The following SYTL2 variants were observed in gnomAD, a reference collection of about 807,000 sequenced individuals.
SYTL2 encodes the protein synaptotagmin like 2.
Under a neutral mutation model 198.7 loss-of-function variants are expected in SYTL2, and 165 were observed. The observed-to-expected ratio is 0.83, with a 90% CI of 0.73 to 0.94. The LOEUF is 0.94. Among genes scored for constraint, SYTL2 ranks in the 40% least tolerant of loss-of-function variants. The pLI is 0.00. For synonymous variants in SYTL2, 966 were observed against 917.7 expected (o/e 1.05, Z -0.95); for missense variants, 2,835 against 2,582.8 (o/e 1.10, Z -2.12).
chr11:85,744,018 A>C (rs2090981291), intron 4 of SYTL2, among the ~76,000 whole-genome samples: 1 of 152,046 alleles, frequency 6.6e-6, no homozygotes, highest in African/African-American at 2.4e-5. Flanking sequence ...TGTTTCTTTA[A>C]CATGACAATA....
At chr11:85,761,263 A>G (rs1054123411) in intron 1 of SYTL2, among the ~76,000 whole-genome samples, 1 of 152,260 alleles carries the variant, frequency 6.6e-6, no homozygotes, top group Non-Finnish European at 1.5e-5. Flanking sequence ...GAGGAGAATA[A>G]TAACTCAGGG....
intron 11 of SYTL2, chr11:85,714,981 A>G (rs2086924203): frequency 6.5e-6 from 1 of 153,120 alleles, no homozygotes; most frequent in Non-Finnish European, 1.5e-5. Context: ...TGAGTGTCTT[A>G]GAGTAGGTTT....
chr11:85,707,437 T>C lies in SYTL2; in HGVS notation c.6010A>G (p.Ile2004Val), dbSNP rs1475195585. Residue 2004 changes from isoleucine to valine, a missense_variant, in exon 15 of 20, where the codon ATA becomes GTA. Physicochemically the swap from Ile to Val is conservative, Grantham distance 29. Coordinates refer to ENST00000359152, the MANE Select transcript of SYTL2 (RefSeq NM_206927.4). ...KKTLNPVYNE[I>V]LRYKIEKQIL... is the part of the protein sequence containing the mutation. ...AGAGAGTTCATAGATACCCGCAGTA[T>C]TTCGTTATACACAGGATTCAAGGTT... The C allele has an allele frequency of 6.2e-7, 1 of 1,612,870 alleles. No homozygotes were observed. The highest frequency in any genetic ancestry group is 1.7e-5 in the Admixed American group (1 of 59,976).
intron 1 of SYTL2, among the ~76,000 whole-genome samples, chr11:85,759,195 G>A (rs1236252576): frequency 1.3e-5 from 2 of 150,432 alleles, no homozygotes; most frequent in Non-Finnish European, 1.5e-5. Flanking sequence ...GCAGTGAGCC[G>A]GGATCACACC....
chr11:85,778,666 C>T (rs2092502037), intron 1 of SYTL2, among the ~76,000 whole-genome samples: 1 of 152,336 alleles, frequency 6.6e-6, no homozygotes, highest in Non-Finnish European at 1.5e-5. Flanking sequence ...AGCATAGACA[C>T]ATGCATGCAC....
chr11:85,786,486 C>G (rs1162172910), intron 1 of SYTL2, among the ~76,000 whole-genome samples: 1 of 152,136 alleles, frequency 6.6e-6, no homozygotes, highest in African/African-American at 2.4e-5. Flanking sequence ...ATAGGGGAAA[C>G]TGGGTAAAGG....
At position 85,717,493 on chromosome 11, in the gene SYTL2, G is replaced by A. The variant is rs371312801; in HGVS notation, c.5520C>T (p.Cys1840=). Residue 1840 remains cysteine (C), a synonymous_variant, in exon 11 of 20, where the codon TGC becomes TGT. Coordinates refer to ENST00000359152, the MANE Select transcript of SYTL2 (RefSeq NM_206927.4). ...KPDQKPVTNE[C]VPRISTVPTQ... The stretch of plus-strand genomic sequence containing the variant: ...GATCCTGCTACTCACTTCTTGGTAC[G>A]CATTCATTTGTAACTGGCTTCTGAT... 4.7e-5 allele frequency: 75 copies of A among 1,612,226 alleles called. No homozygotes were observed. Among genetic ancestry groups the A allele is most frequent in the African/African-American group, 2.0e-4 (15 of 74,848 alleles).
the SYTL2 span, chr11:85,854,478 AAAT>A: frequency 6.6e-6 from 1 of 152,212 alleles, no homozygotes; most frequent in East Asian, 1.9e-4. Context: ...TGCTGGACTT[AAAT>A]TCCTTTCTTT....
intron 10 of SYTL2, 98 bp downstream of exon 10, chr11:85,718,692 C>T (rs1318090953): frequency 2.7e-5 from 28 of 1,035,394 alleles, no homozygotes; most frequent in Non-Finnish European, 3.9e-5. Flanking sequence ...TGGCAAATGA[C>T]GTTCTTCTGT....
intron 2 of SYTL2, 43 bp from the exon 3 acceptor site, chr11:85,748,466 A>G (rs1444028885): frequency 6.2e-7 from 1 of 1,603,518 alleles, no homozygotes; most frequent in African/African-American, 1.3e-5. Context: ...AACCCACAGT[A>G]AATAAATGAG....
Position 85,726,843 on chromosome 11 carries a change from T to G in SYTL2, c.2515A>C (p.Met839Leu). 6.5e-7 allele frequency: 1 copy of G among 1,536,552 alleles called. No homozygotes were observed. Among genetic ancestry groups the G allele is most frequent in the East Asian group, 2.4e-5 (1 of 40,922 alleles). The change falls in exon 8 of 20, where the codon ATG becomes CTG. Residue 839 changes from methionine to leucine, a missense_variant. Physicochemically the swap from Met to Leu is conservative, Grantham distance 15 (BLOSUM62 2). Around this residue, in one of 3 missense-constraint regions of SYTL2, gnomAD observed 2,645 missense variants for 2,381.7 expected, o/e 1.11. Transcript: ENST00000359152. ...PVKKSQGVSS[M>L]DSLSTDQSEY... ...CTCTGGTCTGTAGATAAACTGTCCA[T>G]GGATGATACACCCTGTGACTTCTTC...
the SYTL2 span, among the ~76,000 whole-genome samples, chr11:85,836,261 A>T: frequency 6.6e-5 from 10 of 150,788 alleles, no homozygotes; most frequent in Admixed American, 2.0e-4. Flanking sequence ...TACCTTCCAA[A>T]TTTTTTTTTC....
intron 1 of SYTL2, among the ~76,000 whole-genome samples, chr11:85,800,137 T>C (rs1481239104): frequency 1.3e-5 from 2 of 152,168 alleles, no homozygotes; most frequent in Non-Finnish European, 2.9e-5. Flanking sequence ...TCATCAGTTT[T>C]GGTGCTTTGG....
In SYTL2 at chr11:85,726,703, T is replaced by C. The variant is rs913681472; in HGVS notation, c.2655A>G (p.Ala885=). 7 of 1,536,216 alleles carry C rather than the reference T, an allele frequency of 4.6e-6. No homozygotes were observed. In the Admixed American group the frequency reaches 1.2e-4, roughly 26 times the overall value. Residue 885 remains alanine, a synonymous_variant, in exon 8 of 20, where the codon GCA becomes GCG. Transcript: ENST00000359152. ...CTGAAAGATAGTATCTGGATGGACC[T>C]GCTATTTGTGGCTTGGTCTCTTTAG... ...NKSKETKPQI[A]GPSRYYLSAE... is the part of the protein sequence containing the mutation.
chr11:85,745,827 A>C, intron 3 of SYTL2, 55 bp from the exon 4 acceptor site: 7 of 1,554,586 alleles, frequency 4.5e-6, no homozygotes, highest in Non-Finnish European at 6.1e-6. Context: ...CATGACCTAC[A>C]ACTCTCTTAT....
chr11:85,720,967 A>G lies in SYTL2; in HGVS notation c.5327-8T>C, dbSNP rs2088215243. 1.3e-6 allele frequency: 2 copies of G among 1,594,940 alleles called. No individual in the cohort carries two copies. Among genetic ancestry groups the G allele is most frequent in the Non-Finnish European group, 1.7e-6 (2 of 1,162,932 alleles). ...TGGGTTCTTCTTCTGAACCTGTTAT[A>G]AAACAAAATCGATGAACACTGCACA... On this transcript the variant is annotated splice_polypyrimidine_tract_variant and splice_region_variant and intron_variant, in intron 8 of 19. Coordinates refer to ENST00000359152, the MANE Select transcript of SYTL2 (RefSeq NM_206927.4).
At position 85,726,404 on chromosome 11, in the gene SYTL2, A is replaced by C; in HGVS notation, c.2954T>G (p.Leu985Trp). 2.5e-6 allele frequency: 4 copies of C among 1,613,250 alleles called. No individual in the cohort carries two copies. The highest frequency in any genetic ancestry group is 3.4e-6 in the Non-Finnish European group (4 of 1,179,810). Residue 985 changes from leucine (L) to tryptophan (W), a missense_variant, in exon 8 of 20, where the codon TTG (leucine) becomes TGG (tryptophan). Physicochemically the swap from Leu to Trp is moderately conservative, Grantham distance 61. Around this residue, in one of 3 missense-constraint regions of SYTL2, gnomAD observed 2,645 missense variants for 2,381.7 expected, o/e 1.11. Transcript: ENST00000359152. ...AGCTTCTAAGTCCCAAAACTTTCTC[A>C]AATTCTCAAACTGAGAGGGATTATA... Reference protein sequence around the residue: ...QVYNPSQFENLRKFWDLEANS... With the variant: ...QVYNPSQFENWRKFWDLEANS...
chr11:85,816,999 CT>C, the SYTL2 span, among the ~76,000 whole-genome samples: 1 of 151,530 alleles, frequency 6.6e-6, no homozygotes, highest in Admixed American at 6.6e-5. Context: ...AACCCATGAC[CT>C]TTTTAGTTTT....
At chr11:85,777,455 T>C (rs921240610) in intron 1 of SYTL2, among the ~76,000 whole-genome samples, 2 of 152,136 alleles carry the variant, frequency 1.3e-5, no homozygotes, top group African/African-American at 2.4e-5. Flanking sequence ...ACTGCATTCA[T>C]TGCTACCAAC....
Sources: allele counts gnomAD v4.1 joint callset (sites outside exome capture counted in the v4.1 genomes callset), GRCh38; gene constraint gnomAD v4.1.1; regional missense constraint gnomAD v4.1.1; transcripts MANE v1.5; gene names NCBI Gene and HGNC (gene_info 2026-07-23, HGNC 2026-07-21).